Variants in CLASP2 observed in about 807,000 individuals in gnomAD.
CLASP2 encodes CLIP-associating protein 2.
Under a neutral mutation model 194.4 loss-of-function variants are expected in CLASP2, and 47 were observed. The observed-to-expected ratio is 0.24, with a 90% confidence interval of 0.19 to 0.31. The LOEUF is 0.31. CLASP2 is among the 10% of genes least tolerant of loss of function. CLASP2 has a pLI of 1.00. For synonymous variants in CLASP2, 619 were observed against 633.5 expected (o/e 0.98, Z 0.34); for missense variants, 1,445 against 1,823.6 (o/e 0.79, Z 3.78).
chr3:33,527,216 G>A (rs2054806348), intron 34 of CLASP2, among the ~76,000 whole-genome samples: 1 of 151,984 alleles, frequency 6.6e-6, no homozygotes, highest in Admixed American at 6.6e-5. Flanking sequence ...AAATAGATAG[G>A]CCACTAGCTA....
intron 1 of CLASP2, among the ~76,000 whole-genome samples, chr3:33,702,968 C>A (rs1453850881): frequency 1.3e-5 from 2 of 152,046 alleles, no homozygotes; most frequent in Non-Finnish European, 2.9e-5. Context: ...AAAATTAACT[C>A]AAAGGATCAT....
rs770772627 is a variant in CLASP2, at chr3:33,570,800, T to C, written c.2700-10A>G. ...TTTCAGTTCAACTCGACTGCCAAGA[T>C]AATACAGCGGTTAATTAATATCTTG... On this transcript the variant is annotated splice_polypyrimidine_tract_variant and intron_variant, in intron 25 of 38. Transcript: ENST00000682230. 3.2e-6 allele frequency: 5 copies of C among 1,572,682 alleles called. No homozygotes were observed. The African/African-American group carries it at 5.4e-5, about 17-fold the overall frequency.
intron 29 of CLASP2, among the ~76,000 whole-genome samples, chr3:33,556,523 C>T (rs942971819): frequency 6.6e-6 from 1 of 151,664 alleles, no homozygotes; most frequent in Non-Finnish European, 1.5e-5. Context: ...GCATCCTCTG[C>T]CTCCTGGGTT....
intron 22 of CLASP2, among the ~76,000 whole-genome samples, chr3:33,583,119 G>A (rs192731644): frequency 6.8e-4 from 104 of 152,246 alleles, no homozygotes; most frequent in African/African-American, 2.4e-3. Flanking sequence ...CAGCAAATAG[G>A]AATCTCAAGA....
chr3:33,638,113 G>A (rs892788456), intron 8 of CLASP2, among the ~76,000 whole-genome samples: 2 of 152,046 alleles, frequency 1.3e-5, no homozygotes, highest in Non-Finnish European at 2.9e-5. Context: ...TGTTTAATAT[G>A]GGAAAAATAA....
intron 23 of CLASP2, among the ~76,000 whole-genome samples, chr3:33,579,455 T>C (rs1303212025): frequency 6.6e-6 from 1 of 152,234 alleles, no homozygotes; most frequent in Non-Finnish European, 1.5e-5. Flanking sequence ...TTCTTCTTGA[T>C]ATGTTTTCTA....
Position 33,665,016 on chromosome 3 carries a change from G to A in CLASP2, c.645-1501C>T, listed in dbSNP as rs566060585. On this transcript the variant is annotated intron_variant, in intron 6 of 38. Transcript: ENST00000682230. Reference sequence around the variant, plus strand: ...CTAGGGAGGCTGAGGCACAAGAATCGCTTGAACCTGGGAGACAGAAGTTGC... The same window carrying A: ...CTAGGGAGGCTGAGGCACAAGAATCACTTGAACCTGGGAGACAGAAGTTGC... Among the ~76,000 whole-genome samples the A allele has an allele frequency of 3.1e-4, 47 of 151,970 alleles. 1 individual carries two copies. In the South Asian group the frequency reaches 8.3e-3, roughly 27 times the overall value.
intron 26 of CLASP2, among the ~76,000 whole-genome samples, chr3:33,570,286 A>C (rs564239326): frequency 2.3e-4 from 35 of 152,334 alleles, no homozygotes; most frequent in East Asian, 1.5e-3. Flanking sequence ...CTGGAACCAC[A>C]TTTTGTGCCT....
At chr3:33,553,045 G>A (rs1033504064) in intron 29 of CLASP2, among the ~76,000 whole-genome samples, 11 of 152,162 alleles carry the variant, frequency 7.2e-5, no homozygotes, top group Non-Finnish European at 1.3e-4. Flanking sequence ...TTAAATGTAT[G>A]ATTGAAACTT....
intron 6 of CLASP2, among the ~76,000 whole-genome samples, chr3:33,675,653 G>A (rs2088439058): frequency 6.7e-6 from 1 of 149,678 alleles, no homozygotes; most frequent in African/African-American, 2.4e-5. Context: ...AATTGTCCCT[G>A]TTTGCAGATG....
chr3:33,561,816 T>C (rs1050128243), intron 27 of CLASP2, among the ~76,000 whole-genome samples: 1 of 152,074 alleles, frequency 6.6e-6, no homozygotes, highest in Non-Finnish European at 1.5e-5. Context: ...AATGGAAAAT[T>C]AGTTTCTAGA....
intron 8 of CLASP2, among the ~76,000 whole-genome samples, chr3:33,641,964 T>A (rs2081385292): frequency 6.6e-6 from 1 of 151,962 alleles, no homozygotes; most frequent in Admixed American, 6.5e-5. Flanking sequence ...ATGGGAAAGA[T>A]AATGTATAGT....
At chr3:33,533,654 A>C (rs912911143) in intron 34 of CLASP2, among the ~76,000 whole-genome samples, 1 of 152,200 alleles carries the variant, frequency 6.6e-6, no homozygotes, top group South Asian at 2.1e-4. Context: ...AAAACTTTAA[A>C]TTCACCTATC....
At chr3:33,644,979 T>A in intron 7 of CLASP2, 76 bp from the exon 8 acceptor site, 1 of 1,408,796 alleles carries the variant, frequency 7.1e-7, no homozygotes, top group Admixed American at 2.1e-5. Context: ...AAAAATAAAA[T>A]AAAGCCATAT....
chr3:33,695,143 T>C (rs1012619293), intron 2 of CLASP2, among the ~76,000 whole-genome samples: 1 of 151,046 alleles, frequency 6.6e-6, no homozygotes, highest in African/African-American at 2.4e-5. Flanking sequence ...CATTGTAACC[T>C]TGAAATCCTG....
intron 18 of CLASP2, among the ~76,000 whole-genome samples, chr3:33,598,447 C>T (rs1369893508): frequency 1.6e-4 from 24 of 152,086 alleles, no homozygotes; most frequent in Non-Finnish European, 2.9e-5. Flanking sequence ...AATGGCTCAC[C>T]CTTCCACATT....
chr3:33,574,872 G>A (rs2064510781), intron 24 of CLASP2, among the ~76,000 whole-genome samples: 1 of 152,094 alleles, frequency 6.6e-6, no homozygotes, highest in Non-Finnish European at 1.5e-5. Flanking sequence ...TGGAACTTCT[G>A]TGCTCTGCAA....
At chr3:33,657,894 A>G (rs1253531932) in intron 7 of CLASP2, among the ~76,000 whole-genome samples, 1 of 152,140 alleles carries the variant, frequency 6.6e-6, no homozygotes, top group Non-Finnish European at 1.5e-5. Context: ...TTCTTAGAAG[A>G]GTTCACTACA....
chr3:33,543,356 G>C (rs998841904), intron 32 of CLASP2, 77 bp downstream of exon 32: 2 of 1,022,766 alleles, frequency 2.0e-6, no homozygotes, highest in East Asian at 2.4e-5. Flanking sequence ...CTGGGCGACA[G>C]AGCAAGACTC....
Sources: allele counts gnomAD v4.1 joint callset (sites outside exome capture counted in the v4.1 genomes callset), GRCh38; gene constraint gnomAD v4.1.1; transcripts MANE v1.5; gene names NCBI Gene and HGNC (gene_info 2026-07-23, HGNC 2026-07-21).